The following HSP90AA1 variants were observed in gnomAD, a reference collection of about 807,000 sequenced individuals.
HSP90AA1 encodes the protein heat shock protein HSP 90-alpha.
A neutral mutation model predicts 73.3 loss-of-function variants in HSP90AA1; 18 were observed. The observed-to-expected ratio is 0.25, with a 90% CI of 0.17 to 0.36. The LOEUF (loss-of-function observed/expected upper bound fraction) is 0.36, where lower values mean the gene tolerates loss of function less well. Ranked by LOEUF, HSP90AA1 falls within the 10% of genes least tolerant of loss-of-function variation. The pLI is 1.00. For missense variants in HSP90AA1, 704 were observed against 874.2 expected, an observed-to-expected ratio of 0.81 and a Z score of 2.45; for synonymous variants, 477 against 296.9, an observed-to-expected ratio of 1.61 and a Z score of -6.24.
Position 102,112,612 on chromosome 14 carries a change from G to A in HSP90AA1, c.156-10527C>T, listed in dbSNP as rs149994934. Among the ~76,000 whole-genome samples the A allele has an allele frequency of 6.4e-4, 97 of 152,236 alleles. 1 individual carries two copies. The highest frequency in any genetic ancestry group is 2.2e-3 in the African/African-American group (93 of 41,544). Reference sequence around the variant, plus strand: ...TCCCACCTCAGCTTCCTGAGTAGCTGGGACTGGAGGCACACACCACCATGT... The same window carrying A: ...TCCCACCTCAGCTTCCTGAGTAGCTAGGACTGGAGGCACACACCACCATGT... On this transcript the variant is annotated intron_variant, in intron 1 of 11. Coordinates refer to the HSP90AA1 transcript ENST00000334701.
At chr14:102,130,116 C>T (rs2049890167) in intron 1 of HSP90AA1, among the ~76,000 whole-genome samples, 1 of 151,714 alleles carries the variant, frequency 6.6e-6, no homozygotes, top group Non-Finnish European at 1.5e-5. Context: ...GATTACAGGC[C>T]CGCACCACCA....
upstream of HSP90AA1, chr14:102,139,705 C>A (rs938659225): frequency 4.1e-5 from 29 of 707,168 alleles, no homozygotes; most frequent in African/African-American, 2.5e-4. Flanking sequence ...AGCCTGCGGA[C>A]GCCCAGTCGG....
Position 102,083,235 on chromosome 14 carries a change from C to A in HSP90AA1, c.1554G>T (p.Val518=). The part of the protein sequence containing the change: ...VERLRKHGLE[V]IYMIEPIDEY... ...CATCAATGGGCTCAATCATATAGAT[C>A]ACTTCTAAGCCATGTTTCCGAAGAC... Residue 518 remains valine (V), a synonymous_variant, in exon 9 of 11, where the codon GTG becomes GTT. Transcript: ENST00000216281. The A allele has an allele frequency of 6.2e-7, 1 of 1,614,118 alleles. No individual in the cohort carries two copies.
At chr14:102,094,652 G>C (rs1481221239) in intron 2 of HSP90AA1, among the ~76,000 whole-genome samples, 1 of 152,202 alleles carries the variant, frequency 6.6e-6, no homozygotes, top group South Asian at 2.1e-4. Flanking sequence ...GAATTAAAAA[G>C]AAAATGGAGG....
At chr14:102,124,498 G>C (rs1311396194) in intron 1 of HSP90AA1, among the ~76,000 whole-genome samples, 3 of 151,876 alleles carry the variant, frequency 2.0e-5, no homozygotes, top group African/African-American at 7.3e-5. Context: ...TGGCCTGAAT[G>C]CTACTTTTTA....
chr14:102,082,761 C>CA (rs2049128234), intron 9 of HSP90AA1: 1 of 502,850 alleles, frequency 2.0e-6, no homozygotes, highest in Non-Finnish European at 3.6e-6. Context: ...GCTAGGATTA[C>CA]AGGCCGTGCC....
chr14:102,119,641 A>C (rs758762432), intron 1 of HSP90AA1, among the ~76,000 whole-genome samples: 5 of 152,108 alleles, frequency 3.3e-5, no homozygotes, highest in Non-Finnish European at 7.4e-5. Flanking sequence ...AGCACGTGCC[A>C]CCATGCCTGG....
At chr14:102,115,322 A>AAAC (rs2049692814) in intron 1 of HSP90AA1, among the ~76,000 whole-genome samples, 1 of 102,216 alleles carries the variant, frequency 9.8e-6, no homozygotes, top group Non-Finnish European at 2.3e-5. Context: ...AACAAACAAA[A>AAAC]CAACTCTGTG....
chr14:102,087,372 C>T (rs2049271755), upstream of HSP90AA1, among the ~76,000 whole-genome samples: 1 of 151,598 alleles, frequency 6.6e-6, no homozygotes, highest in African/African-American at 2.4e-5. Flanking sequence ...CGCCCTCCGC[C>T]CTGCACCCCC....
chr14:102,081,505 A>T lies in HSP90AA1; in HGVS notation c.*207T>A, dbSNP rs1262692509. ...CAATCTGTGAAAATAAACCAACATG[A>T]AACTCAAAAAGCATTACTAGCTCTG... On this transcript the variant is annotated 3_prime_UTR_variant, in exon 11 of 11. Coordinates refer to ENST00000216281, the MANE Select transcript of HSP90AA1 (RefSeq NM_005348.4). The T allele has an allele frequency of 1.7e-6, 1 of 599,454 alleles. No individual in the cohort carries two copies. Among genetic ancestry groups the T allele is most frequent in the African/African-American group, 1.9e-5 (1 of 53,838 alleles). 37.1% of individuals were successfully genotyped at this position (599,454 alleles called of 1,614,324 possible). A position where few individuals can be genotyped will look rare whatever the true frequency, so the allele number is the denominator to read the frequency against.
intron 1 of HSP90AA1, among the ~76,000 whole-genome samples, chr14:102,129,300 G>A (rs2049877526): frequency 1.3e-5 from 2 of 151,668 alleles, no homozygotes; most frequent in South Asian, 2.1e-4. Flanking sequence ...GTGCCACCAC[G>A]CCCACCTGGC....
chr14:102,122,985 T>C (rs1354579945), intron 1 of HSP90AA1, among the ~76,000 whole-genome samples: 1 of 152,160 alleles, frequency 6.6e-6, no homozygotes, highest in African/African-American at 2.4e-5. Context: ...TTCTTTTTCA[T>C]AGTGATTCTT....
chr14:102,125,598 A>G (rs2049830266), intron 1 of HSP90AA1, among the ~76,000 whole-genome samples: 1 of 152,208 alleles, frequency 6.6e-6, no homozygotes, highest in Non-Finnish European at 1.5e-5. Flanking sequence ...CCGCTCAGAA[A>G]GCTAGAAGCA....
chr14:102,094,806 T>C (rs1017868376), intron 2 of HSP90AA1, among the ~76,000 whole-genome samples: 1 of 152,098 alleles, frequency 6.6e-6, no homozygotes, highest in Admixed American at 6.6e-5. Context: ...CATTGTGGCA[T>C]CTTCCCAGGA....
At chr14:102,133,577 A>G (rs1313278049) in intron 1 of HSP90AA1, among the ~76,000 whole-genome samples, 2 of 145,954 alleles carry the variant, frequency 1.4e-5, no homozygotes, top group East Asian at 2.1e-4. Flanking sequence ...TCCGCCTCCC[A>G]GGTTCAAGTG....
chr14:102,088,263 G>A (rs2049296896), upstream of HSP90AA1, among the ~76,000 whole-genome samples: 1 of 152,160 alleles, frequency 6.6e-6, no homozygotes, highest in Non-Finnish European at 1.5e-5. Context: ...GGGTTCCTTC[G>A]ACCTGGCTTC....
At chr14:102,107,044 T>A (rs971134556) in intron 1 of HSP90AA1, among the ~76,000 whole-genome samples, 1 of 152,180 alleles carries the variant, frequency 6.6e-6, no homozygotes, top group Admixed American at 6.5e-5. Flanking sequence ...ATAGATCTAC[T>A]GCTTAGGGGA....
At chr14:102,106,290 C>T (rs991524277) in intron 1 of HSP90AA1, among the ~76,000 whole-genome samples, 1 of 152,132 alleles carries the variant, frequency 6.6e-6, no homozygotes, top group African/African-American at 2.4e-5. Flanking sequence ...AAGTTTTTCA[C>T]TATTTTCATA....
At chr14:102,085,097 C>T (rs1595657962) in intron 4 of HSP90AA1, 99 bp from the exon 5 acceptor site, 2 of 1,590,796 alleles carry the variant, frequency 1.3e-6, no homozygotes, top group African/African-American at 1.3e-5. Flanking sequence ...TCTAAATTAG[C>T]CAACTTGAGA....
Sources: allele counts gnomAD v4.1 joint callset (sites outside exome capture counted in the v4.1 genomes callset), GRCh38; gene constraint gnomAD v4.1.1; transcripts MANE v1.5; gene names NCBI Gene and HGNC (gene_info 2026-07-23, HGNC 2026-07-21).